PLEKHO2: variants seen among roughly 807,000 people sequenced by gnomAD.
PLEKHO2 encodes the protein pleckstrin homology domain containing O2.
A neutral mutation model predicts 32.7 loss-of-function variants in PLEKHO2; 20 were observed. The ratio of observed to expected loss-of-function variants is 0.61; its 90% CI spans 0.43 to 0.89. PLEKHO2 has a LOEUF of 0.89. PLEKHO2 is among the 40% of genes least tolerant of loss of function. PLEKHO2 has a pLI of 0.00. For missense variants in PLEKHO2, 568 were observed against 621.2 expected (o/e 0.91, Z 0.91); for synonymous variants, 247 against 246.3 (o/e 1.00, Z -0.03).
chr15:64,853,487 G>A lies in PLEKHO2; in HGVS notation c.163-1434G>A, dbSNP rs527469490. 7.9e-5 allele frequency among the ~76,000 whole-genome samples: 12 copies of A among 151,920 alleles called. No homozygotes were observed. The South Asian group carries it at 2.5e-3, about 32-fold the overall frequency. ...TTTGTATTTTTTTTAGTAGAGATGG[G>A]GTTTCACTGTGTTGGCCAGTATGGT... On this transcript the variant is annotated intron_variant, in intron 2 of 5. Coordinates refer to ENST00000323544, the MANE Select transcript of PLEKHO2 (RefSeq NM_025201.5).
Position 64,862,708 on chromosome 15 carries a change from C to T in PLEKHO2, c.483+1133C>T, listed in dbSNP as rs1423913744. On this transcript the variant is annotated intron_variant, in intron 5 of 5. Coordinates refer to ENST00000323544, the MANE Select transcript of PLEKHO2 (RefSeq NM_025201.5). ...TGGTGGGCATCAGCCAGGTTGGCAG[C>T]CGCAAGTCACAAGGGCAGGACCAAG... 5.3e-5 allele frequency among the ~76,000 whole-genome samples: 8 copies of T among 152,122 alleles called. No individual in the cohort carries two copies. In the South Asian group the frequency reaches 1.5e-3, roughly 28 times the overall value.
At position 64,865,524 on chromosome 15, in the gene PLEKHO2, C is replaced by T. The variant is rs2084676443; in HGVS notation, c.1109C>T (p.Thr370Ile). The T allele has an allele frequency of 3.1e-6, 5 of 1,614,106 alleles. No individual in the cohort carries two copies. Among genetic ancestry groups the T allele is most frequent in the Non-Finnish European group, 4.2e-6 (5 of 1,180,032 alleles). Residue 370 changes from threonine to isoleucine, a missense_variant, in exon 6 of 6, where the codon ACA becomes ATA. Physicochemically the swap from Thr to Ile is moderately conservative, Grantham distance 89. Coordinates refer to ENST00000323544, the MANE Select transcript of PLEKHO2 (RefSeq NM_025201.5). Reference sequence around the variant, plus strand: ...CCAGGAACTCCTCCAAAGGATGCAACAACATCCACAGCACTGCCCCCCTGG... The same window carrying T: ...CCAGGAACTCCTCCAAAGGATGCAATAACATCCACAGCACTGCCCCCCTGG... ...GTPGTPPKDA[T>I]TSTALPPWDL...
Position 64,867,608 on chromosome 15 carries a change from C to G in PLEKHO2, c.*1720C>G, listed in dbSNP as rs1026418579. The G allele has an allele frequency of 1.3e-5, 2 of 152,264 alleles. No individual in the cohort carries two copies. Among genetic ancestry groups the G allele is most frequent in the African/African-American group, 4.8e-5 (2 of 41,458 alleles). The allele number at this position is 152,264 out of a possible 1,614,324, so 9.4% of individuals were successfully genotyped here. ...ATGGCTGGCTGGGGCTTTAGCCAAG[C>G]CACCTACTGCCAGGAATTGGAGCCT... On this transcript the variant is annotated 3_prime_UTR_variant, in exon 6 of 6. Coordinates refer to ENST00000323544, the MANE Select transcript of PLEKHO2 (RefSeq NM_025201.5).
chr15:64,859,044 T>G (rs774936008), intron 3 of PLEKHO2, among the ~76,000 whole-genome samples: 1 of 152,234 alleles, frequency 6.6e-6, no homozygotes, highest in East Asian at 1.9e-4. Flanking sequence ...TGTGTCCAGC[T>G]TATTTCACTT....
intron 1 of PLEKHO2, among the ~76,000 whole-genome samples, chr15:64,846,104 G>T (rs186509919): frequency 1.6e-4 from 24 of 152,284 alleles, no homozygotes; most frequent in South Asian, 4.1e-4. Flanking sequence ...TTCCCTTCTA[G>T]CCCTGGGCCT....
intron 2 of PLEKHO2, among the ~76,000 whole-genome samples, chr15:64,853,630 G>T (rs4776250): frequency 0.71 from 108,561 of 151,950 alleles, 39,764 homozygotes; most frequent in East Asian, 0.94. Context: ...CAGGTGGTGC[G>T]AATGCTGCTG....
rs751130980 is a variant in PLEKHO2 at position 64,848,813 on chromosome 15, G to A, written c.162+71G>A. The A allele has an allele frequency of 2.9e-4, 462 of 1,592,080 alleles. 2 individuals carry two copies. In the Middle Eastern group the frequency reaches 5.0e-3, roughly 17 times the overall value. On this transcript the variant is annotated intron_variant, in intron 2 of 5. Coordinates refer to ENST00000323544, the MANE Select transcript of PLEKHO2 (RefSeq NM_025201.5). ...CAAAGTGAGGGCATTCAAGTTAGTA[G>A]GAGGACCCTGGGTCTGGGGCCAGAA...
intron 5 of PLEKHO2, among the ~76,000 whole-genome samples, chr15:64,864,585 G>A (rs531617606): frequency 6.6e-6 from 1 of 152,278 alleles, no homozygotes; most frequent in East Asian, 1.9e-4. Context: ...TGCCACCCAG[G>A]CTTGTATAGT....
chr15:64,854,876 G>A (rs201374427), intron 2 of PLEKHO2, 45 bp from the exon 3 acceptor site: 162 of 1,463,208 alleles, frequency 1.1e-4, no homozygotes, highest in Admixed American at 4.0e-4. Flanking sequence ...GGTGGTGGTG[G>A]GTCTGACTGT....
chr15:64,848,966 T>A (rs550807560), intron 2 of PLEKHO2, among the ~76,000 whole-genome samples: 1 of 152,288 alleles, frequency 6.6e-6, no homozygotes, highest in African/African-American at 2.4e-5. Context: ...TCTTTTCTTA[T>A]TTTTTTAAAC....
intron 5 of PLEKHO2, among the ~76,000 whole-genome samples, chr15:64,863,349 C>A (rs2084656381): frequency 6.6e-6 from 1 of 152,062 alleles, no homozygotes; most frequent in African/African-American, 2.4e-5. Context: ...GTTGCAGCAG[C>A]CTGTGCCTGT....
chr15:64,854,928 A>G lies in PLEKHO2; in HGVS notation c.170A>G (p.Gln57Arg), dbSNP rs1351959829. The G allele has an allele frequency of 1.9e-6, 3 of 1,613,106 alleles. No individual in the cohort carries two copies. The highest frequency in any genetic ancestry group is 2.5e-6 in the Non-Finnish European group (3 of 1,179,576). The stretch of plus-strand genomic sequence containing the variant: ...TTCTGTCTCCCTCCCCAGGATGATC[A>G]GAAGTGTGTGGAGACTGTGGAGCTG... ...QLLVYENEDDQKCVETVELGS... is the reference protein window; with the variant it reads ...QLLVYENEDDRKCVETVELGS... The change falls in exon 3 of 6, where the codon CAG becomes CGG. Residue 57 changes from glutamine (Q) to arginine (R), a missense_variant. Gln to Arg is a conservative substitution (Grantham distance 43). Transcript: ENST00000323544.
intron 2 of PLEKHO2, among the ~76,000 whole-genome samples, chr15:64,850,334 A>ATG (rs2084557997): frequency 6.6e-6 from 1 of 152,176 alleles, no homozygotes; most frequent in African/African-American, 2.4e-5. Flanking sequence ...CTCCCAGTGA[A>ATG]TGGAGGAGTT....
intron 3 of PLEKHO2, among the ~76,000 whole-genome samples, chr15:64,855,581 G>C (rs1303637277): frequency 1.3e-5 from 2 of 152,220 alleles, no homozygotes; most frequent in East Asian, 3.8e-4. Context: ...TGTAGCTGGG[G>C]AAGGTCCCTG....
At chr15:64,851,054 G>C (rs74019333) in intron 2 of PLEKHO2, among the ~76,000 whole-genome samples, 2,298 of 152,332 alleles carry the variant, frequency 0.015, 61 homozygotes, top group African/African-American at 0.053. Context: ...GATCCAAAGT[G>C]TTTAAAGGAG....
intron 1 of PLEKHO2, among the ~76,000 whole-genome samples, chr15:64,847,542 T>C (rs1323381534): frequency 6.6e-6 from 1 of 152,152 alleles, no homozygotes; most frequent in Non-Finnish European, 1.5e-5. Context: ...GCACCCATTA[T>C]GTGTAAAAGA....
intron 1 of PLEKHO2, among the ~76,000 whole-genome samples, chr15:64,842,705 C>T (rs1396562876): frequency 6.6e-6 from 1 of 152,110 alleles, no homozygotes; most frequent in African/African-American, 2.4e-5. Flanking sequence ...TGATCTTAGT[C>T]CCTGCCTTCC....
intron 5 of PLEKHO2, among the ~76,000 whole-genome samples, chr15:64,864,204 C>G (rs1418371160): frequency 1.3e-5 from 2 of 152,112 alleles, no homozygotes; most frequent in Non-Finnish European, 2.9e-5. Context: ...CTGGATATCC[C>G]TATTGGTCCC....
At chr15:64,849,015 C>T (rs548263256) in intron 2 of PLEKHO2, among the ~76,000 whole-genome samples, 66 of 151,984 alleles carry the variant, frequency 4.3e-4, no homozygotes, top group African/African-American at 1.5e-3. Flanking sequence ...CTTGCTCTGT[C>T]ACCAGGCTGG....
Sources: gnomAD v4.1 joint callset for allele counts (sites outside exome capture counted in the v4.1 genomes callset) on GRCh38, gnomAD v4.1.1 for gene constraint, MANE v1.5 for transcripts, NCBI Gene and HGNC (gene_info 2026-07-23, HGNC 2026-07-21) for gene names.